MGAT4C: variants seen among roughly 807,000 people sequenced by gnomAD.
MGAT4C encodes alpha-1,3-mannosyl-glycoprotein 4-beta-N-acetylglucosaminyltransferase C.
A neutral mutation model predicts 40.1 loss-of-function variants in MGAT4C; 19 were observed. The observed-to-expected ratio is 0.47, with a 90% confidence interval of 0.33 to 0.70. The LOEUF (loss-of-function observed/expected upper bound fraction) is 0.70. Among genes scored for constraint, MGAT4C ranks in the 30% least tolerant of loss-of-function variants. The probability of loss-of-function intolerance (pLI) is 0.02; values close to 1 mark genes in which losing one functional copy is unlikely to be tolerated. For missense variants in MGAT4C, 491 were observed against 563.2 expected (o/e 0.87, Z 1.30); for synonymous variants, 181 against 187.1 (o/e 0.97, Z 0.27).
At position 86,519,021 on chromosome 12, in the gene MGAT4C, A is replaced by G. The variant is rs564402629; in HGVS notation, c.-228-83756T>C. ...TAATTCAGAAAAACACCAGGTGAGT[A>G]GTGCCTAGTCCTAAGTCTGAATGGA... On this transcript the variant is annotated intron_variant, in intron 2 of 7. Transcript: ENST00000548651. 2.6e-4 allele frequency among the ~76,000 whole-genome samples: 40 copies of G among 152,340 alleles called. No homozygotes were observed. The South Asian group carries it at 6.6e-3, about 25-fold the overall frequency.
chr12:86,774,188 G>A lies in MGAT4C; in HGVS notation c.-261-46947C>T, dbSNP rs562595077. ...AGGCTGGTCTTGAACTTCTGACCTC[G>A]AGTGATCTGTCCACCTGGCCTCCTA... On this transcript the variant is annotated intron_variant, in intron 1 of 7. Transcript: ENST00000548651. Among the ~76,000 whole-genome samples, 175 of 151,646 alleles carry A rather than the reference G, an allele frequency of 1.2e-3. 4 individuals carry two copies. The highest frequency in any genetic ancestry group is 1.2e-3 in the South Asian group (6 of 4,808).
chr12:86,700,035 AATAG>A (rs58993633), intron 2 of MGAT4C, among the ~76,000 whole-genome samples: 42 of 147,738 alleles, frequency 2.8e-4, no homozygotes, highest in East Asian at 1.2e-3. Context: ...AATTTAGATA[AATAG>A]ATAGATAGAT....
chr12:86,546,176 G>C (rs191136498), intron 2 of MGAT4C, among the ~76,000 whole-genome samples: 1 of 151,940 alleles, frequency 6.6e-6, no homozygotes, highest in Admixed American at 6.5e-5. Flanking sequence ...CCTTAAGCTT[G>C]TTTATGTATT....
intron 1 of MGAT4C, among the ~76,000 whole-genome samples, chr12:86,147,672 C>G (rs1045587310): frequency 6.6e-6 from 1 of 152,102 alleles, no homozygotes; most frequent in African/African-American, 2.4e-5. Context: ...AAAGTTGGCT[C>G]TCCTTTAAAG....
chr12:86,365,683 T>C (rs55822437), intron 3 of MGAT4C, among the ~76,000 whole-genome samples: 11,797 of 125,920 alleles, frequency 0.094, 644 homozygotes, highest in Middle Eastern at 0.23. Flanking sequence ...TTCCCCACTG[T>C]TTTTTTTTTT....
intron 1 of MGAT4C, among the ~76,000 whole-genome samples, chr12:86,094,077 A>G (rs1239845995): frequency 6.6e-6 from 1 of 152,160 alleles, no homozygotes; most frequent in Non-Finnish European, 1.5e-5. Flanking sequence ...AATATGTTCA[A>G]TGAGGGAAAT....
At chr12:86,485,415 A>T (rs1032896167) in intron 2 of MGAT4C, among the ~76,000 whole-genome samples, 1 of 152,194 alleles carries the variant, frequency 6.6e-6, no homozygotes, top group African/African-American at 2.4e-5. Context: ...GAATTGAAAA[A>T]ATCACTACAA....
rs144041665 is a variant in MGAT4C at position 86,361,190 on chromosome 12, C to T, written c.-119-27063G>A. On this transcript the variant is annotated intron_variant, in intron 3 of 7. Coordinates refer to the MGAT4C transcript ENST00000548651. Reference sequence around the variant, plus strand: ...CATCAGAAATAATACCACACATCTACAACCATCTGTTATTTGACAAACCTG... The same window carrying T: ...CATCAGAAATAATACCACACATCTATAACCATCTGTTATTTGACAAACCTG... Among the ~76,000 whole-genome samples, 533 of 152,272 alleles carry T rather than the reference C, an allele frequency of 3.5e-3. 3 individuals carry two copies. Among genetic ancestry groups the T allele is most frequent in the African/African-American group, 0.012 (512 of 41,542 alleles).
chr12:86,468,782 T>C (rs2136301874), intron 2 of MGAT4C, among the ~76,000 whole-genome samples: 2 of 152,236 alleles, frequency 1.3e-5, no homozygotes, highest in East Asian at 3.9e-4. Context: ...CTCTGCCTAG[T>C]GTGCTTTTCT....
chr12:86,316,552 C>T (rs1293423098), intron 4 of MGAT4C, among the ~76,000 whole-genome samples: 3 of 152,148 alleles, frequency 2.0e-5, no homozygotes, highest in Non-Finnish European at 4.4e-5. Flanking sequence ...AGAATGAGAT[C>T]ATGTTCTTTG....
chr12:86,358,639 CA>C, intron 3 of MGAT4C, among the ~76,000 whole-genome samples: 1 of 151,958 alleles, frequency 6.6e-6, no homozygotes, highest in Admixed American at 6.6e-5. Flanking sequence ...GAAGATCTAC[CA>C]AGGAAATGGA....
intron 1 of MGAT4C, among the ~76,000 whole-genome samples, chr12:86,785,601 TA>T (rs559037839): frequency 6.6e-6 from 1 of 151,874 alleles, no homozygotes. Context: ...TTATATTCAA[TA>T]AAAAATAACA....
At chr12:86,542,012 G>A (rs2136386305) in intron 2 of MGAT4C, among the ~76,000 whole-genome samples, 1 of 152,308 alleles carries the variant, frequency 6.6e-6, no homozygotes, top group Middle Eastern at 3.4e-3. Flanking sequence ...TGACATTTGA[G>A]CCTTTATAAG....
At chr12:86,540,315 C>T (rs1436720982) in intron 2 of MGAT4C, among the ~76,000 whole-genome samples, 2 of 152,168 alleles carry the variant, frequency 1.3e-5, no homozygotes, top group Non-Finnish European at 2.9e-5. Context: ...ACTGAGGATT[C>T]CCAAAAACAA....
chr12:86,487,003 GA>G (rs1291151462), intron 2 of MGAT4C, among the ~76,000 whole-genome samples: 8 of 152,166 alleles, frequency 5.3e-5, no homozygotes, highest in Non-Finnish European at 7.4e-5. Flanking sequence ...GATATCAATT[GA>G]ATGCTTGCAA....
At chr12:86,222,352 TCAAA>T (rs1326899509) in intron 1 of MGAT4C, among the ~76,000 whole-genome samples, 1 of 152,112 alleles carries the variant, frequency 6.6e-6, no homozygotes, top group African/African-American at 2.4e-5. Flanking sequence ...AAAATCAAAT[TCAAA>T]CAAAGGTCTC....
intron 3 of MGAT4C, among the ~76,000 whole-genome samples, chr12:86,380,674 G>A (rs1366735943): frequency 6.6e-6 from 1 of 152,080 alleles, no homozygotes; most frequent in Non-Finnish European, 1.5e-5. Context: ...TAGTCTTCAT[G>A]AGAACACAAT....
intron 1 of MGAT4C, among the ~76,000 whole-genome samples, chr12:86,166,074 C>T (rs1292788187): frequency 6.6e-6 from 1 of 152,140 alleles, no homozygotes; most frequent in Non-Finnish European, 1.5e-5. Flanking sequence ...CTGCATGCTA[C>T]TTTGCTGTCT....
chr12:86,493,630 C>T (rs1357183340), intron 2 of MGAT4C, among the ~76,000 whole-genome samples: 3 of 150,018 alleles, frequency 2.0e-5, no homozygotes, highest in Non-Finnish European at 4.4e-5. Context: ...GGGAACATCA[C>T]ACTCTGGGGA....
Sources: allele counts gnomAD v4.1 joint callset (sites outside exome capture counted in the v4.1 genomes callset), GRCh38; gene constraint gnomAD v4.1.1; transcripts MANE v1.5; gene names NCBI Gene and HGNC (gene_info 2026-07-23, HGNC 2026-07-21).